The following DNER variants were observed in gnomAD, a reference collection of about 807,000 sequenced individuals.
DNER encodes delta and Notch-like epidermal growth factor-related receptor.
DNER carries 33 observed loss-of-function variants against 78.2 expected under a neutral mutation model. That is an observed-to-expected ratio of 0.42 (90% confidence interval 0.32 to 0.56). The LOEUF is 0.56. DNER is among the 20% of genes least tolerant of loss of function. DNER has a pLI of 0.11. For synonymous variants in DNER, 417 were observed against 384.8 expected (o/e 1.08, Z -0.98); for missense variants, 918 against 975.3 (o/e 0.94, Z 0.78).
intron 1 of DNER, among the ~76,000 whole-genome samples, chr2:229,655,490 G>A (rs16826297): frequency 0.016 from 2,400 of 152,250 alleles, 72 homozygotes; most frequent in African/African-American, 0.055. Flanking sequence ...ATCCAGGAGT[G>A]CAGAGGCAAA....
At chr2:229,509,913 A>G (rs930936988) in intron 6 of DNER, among the ~76,000 whole-genome samples, 3 of 152,224 alleles carry the variant, frequency 2.0e-5, no homozygotes, top group Non-Finnish European at 2.9e-5. Context: ...ACTGTGAAGT[A>G]AGGAATACAG....
chr2:229,525,793 T>C (rs1009018576), intron 5 of DNER, among the ~76,000 whole-genome samples: 2 of 152,122 alleles, frequency 1.3e-5, no homozygotes, highest in Non-Finnish European at 2.9e-5. Flanking sequence ...TTTGTATTTT[T>C]AGTAGAGATG....
intron 1 of DNER, among the ~76,000 whole-genome samples, chr2:229,661,936 C>T (rs1179865460): frequency 6.6e-6 from 1 of 152,132 alleles, no homozygotes; most frequent in African/African-American, 2.4e-5. Context: ...ATATCAAGAG[C>T]TAGGAATAGA....
chr2:229,651,844 G>A (rs559487090), intron 1 of DNER, among the ~76,000 whole-genome samples: 52 of 152,282 alleles, frequency 3.4e-4, no homozygotes, highest in African/African-American at 9.9e-4. Context: ...AGCATGATCC[G>A]TCAGAACAAC....
At chr2:229,526,604 G>T (rs1333076749) in intron 5 of DNER, among the ~76,000 whole-genome samples, 1 of 152,232 alleles carries the variant, frequency 6.6e-6, no homozygotes, top group Non-Finnish European at 1.5e-5. Flanking sequence ...GCACAGTCTG[G>T]ATTCTTCGCA....
chr2:229,414,032 C>T (rs1044420354), intron 9 of DNER, among the ~76,000 whole-genome samples: 4 of 151,958 alleles, frequency 2.6e-5, no homozygotes, highest in East Asian at 1.9e-4. Context: ...CATCCCCCCA[C>T]GGAGAGAAAA....
At chr2:229,713,730 A>G (rs990890733) in intron 1 of DNER, among the ~76,000 whole-genome samples, 4 of 152,200 alleles carry the variant, frequency 2.6e-5, no homozygotes, top group Non-Finnish European at 4.4e-5. Flanking sequence ...GTCCAGCCGG[A>G]CGTGGAGCGT....
intron 8 of DNER, among the ~76,000 whole-genome samples, chr2:229,444,820 C>G (rs769271800): frequency 3.3e-5 from 5 of 151,846 alleles, no homozygotes; most frequent in Non-Finnish European, 7.4e-5. Context: ...ACCCGGGAGG[C>G]AGAGGTTGAA....
At chr2:229,372,429 G>A (rs1692505212) in intron 11 of DNER, among the ~76,000 whole-genome samples, 1 of 152,176 alleles carries the variant, frequency 6.6e-6, no homozygotes, top group African/African-American at 2.4e-5. Flanking sequence ...AGACTGCACA[G>A]GCAAAGAACC....
At chr2:229,521,526 A>T (rs1316335158) in intron 5 of DNER, among the ~76,000 whole-genome samples, 1 of 152,240 alleles carries the variant, frequency 6.6e-6, no homozygotes, top group Non-Finnish European at 1.5e-5. Flanking sequence ...TAAAACCTAG[A>T]TACAAAACAG....
At chr2:229,551,653 G>A (rs1574898574) in intron 4 of DNER, among the ~76,000 whole-genome samples, 1 of 151,586 alleles carries the variant, frequency 6.6e-6, no homozygotes, top group African/African-American at 2.4e-5. Context: ...CATAAATAAG[G>A]AAGGGCGCAG....
chr2:229,679,031 C>T (rs189267997), intron 1 of DNER, among the ~76,000 whole-genome samples: 10 of 152,188 alleles, frequency 6.6e-5, no homozygotes, highest in Non-Finnish European at 1.0e-4. Context: ...AGAAAGATCC[C>T]GCTATATGTG....
At chr2:229,533,449 C>T (rs962138043) in intron 5 of DNER, among the ~76,000 whole-genome samples, 2 of 152,162 alleles carry the variant, frequency 1.3e-5, no homozygotes, top group African/African-American at 2.4e-5. Context: ...GGATCATCAC[C>T]ATCATCAGAC....
chr2:229,471,141 G>GAA (rs373669800), intron 7 of DNER, among the ~76,000 whole-genome samples: 15 of 146,374 alleles, frequency 1.0e-4, no homozygotes, highest in African/African-American at 3.7e-4. Context: ...TAGGGTGCTG[G>GAA]AAAAAAAAAA....
chr2:229,425,658 C>T (rs1165021638), intron 8 of DNER, among the ~76,000 whole-genome samples: 4 of 152,178 alleles, frequency 2.6e-5, no homozygotes, highest in African/African-American at 7.2e-5. Flanking sequence ...TGTTTGCTCA[C>T]AGGAGTACTT....
intron 6 of DNER, among the ~76,000 whole-genome samples, chr2:229,496,105 T>C (rs1695495474): frequency 6.6e-6 from 1 of 152,226 alleles, no homozygotes; most frequent in Non-Finnish European, 1.5e-5. Context: ...GTCAGGTCAA[T>C]GTAATGGAAA....
In DNER at chr2:229,481,527, C is replaced by A. The variant is rs6755545; in HGVS notation, c.1148-4274G>T. ...CACTGGTATTGATATACATGTAATA[C>A]TCTGAACTGGATACCTAAGATCTAC... On this transcript the variant is annotated intron_variant, in intron 6 of 12. Coordinates refer to ENST00000341772, the MANE Select transcript of DNER (RefSeq NM_139072.4). Among the ~76,000 whole-genome samples, 725 of 112,786 alleles carry A rather than the reference C, an allele frequency of 6.4e-3. 8 individuals are homozygous for A. The highest frequency in any genetic ancestry group is 0.022 in the African/African-American group (673 of 30,004). 74.0% of individuals were successfully genotyped at this position (112,786 alleles called of 152,430 possible).
intron 1 of DNER, among the ~76,000 whole-genome samples, chr2:229,602,753 T>C (rs1489788520): frequency 6.6e-6 from 1 of 152,158 alleles, no homozygotes; most frequent in Non-Finnish European, 1.5e-5. Context: ...ATGTTAAAAA[T>C]GCATGATCTC....
At chr2:229,643,205 A>T (rs1378001227) in intron 1 of DNER, among the ~76,000 whole-genome samples, 3 of 152,128 alleles carry the variant, frequency 2.0e-5, no homozygotes, top group Admixed American at 6.5e-5. Flanking sequence ...TGAGAGAGTG[A>T]GCCCCTGTCT....
Sources: gnomAD v4.1 joint callset for allele counts (sites outside exome capture counted in the v4.1 genomes callset) on GRCh38, gnomAD v4.1.1 for gene constraint, MANE v1.5 for transcripts, NCBI Gene and HGNC (gene_info 2026-07-23, HGNC 2026-07-21) for gene names.